KCND2: variants seen among roughly 807,000 people sequenced by gnomAD.
KCND2 encodes the protein potassium voltage-gated channel subfamily D member 2.
In KCND2, 16 loss-of-function variants were observed where a neutral mutation model predicts 54.4. That is an observed-to-expected ratio of 0.29 (90% CI 0.20 to 0.45). The LOEUF (loss-of-function observed/expected upper bound fraction) is 0.45, where lower values mean the gene tolerates loss of function less well. Among genes scored for constraint, KCND2 ranks in the 20% least tolerant of loss-of-function variants. KCND2 has a pLI of 1.00. For synonymous variants in KCND2, 317 were observed against 310.7 expected (o/e 1.02, Z -0.21); for missense variants, 486 against 824.2 (o/e 0.59, Z 5.02).
chr7:120,747,788 C>T lies in KCND2; in HGVS notation c.1823C>T (p.Pro608Leu). The change falls in exon 6 of 6, where the codon CCA becomes CTA. Residue 608 changes from proline to leucine, a missense_variant. Pro to Leu is a moderately conservative substitution (Grantham distance 98). Around this residue, in one of 7 missense-constraint regions of KCND2, gnomAD observed 202 missense variants for 252.7 expected, o/e 0.80. Transcript: ENST00000331113. ...ATCCCAACACCTCCAGTAACCACAC[C>T]AGAAGGAGACGATAGGCCAGAATCC... is the stretch of plus-strand genomic sequence containing the variant. ...ISIPTPPVTT[P>L]EGDDRPESPE... 6.2e-7 allele frequency: 1 copy of T among 1,612,552 alleles called. No homozygotes were observed. The highest frequency in any genetic ancestry group is 8.5e-7 in the Non-Finnish European group (1 of 1,178,964).
At chr7:120,744,636 T>C (rs1707105712) in intron 4 of KCND2, among the ~76,000 whole-genome samples, 1 of 152,188 alleles carries the variant, frequency 6.6e-6, no homozygotes, top group Non-Finnish European at 1.5e-5. Context: ...AAGAGTAGAA[T>C]GTTAAATTTC....
At chr7:120,446,382 A>G (rs1008667941) in intron 1 of KCND2, among the ~76,000 whole-genome samples, 1 of 152,188 alleles carries the variant, frequency 6.6e-6, no homozygotes, top group Non-Finnish European at 1.5e-5. Flanking sequence ...ACAAATAATT[A>G]TTAGTAGATA....
chr7:120,469,915 A>T (rs1429186527), intron 1 of KCND2, among the ~76,000 whole-genome samples: 8 of 152,322 alleles, frequency 5.3e-5, no homozygotes, highest in Admixed American at 1.3e-4. Context: ...TATTAGTAGC[A>T]TAAAAAAGTC....
At chr7:120,717,111 A>G (rs746673592) in intron 1 of KCND2, among the ~76,000 whole-genome samples, 1 of 152,126 alleles carries the variant, frequency 6.6e-6, no homozygotes, top group Non-Finnish European at 1.5e-5. Flanking sequence ...ATGTGAGATG[A>G]TAAAATACCT....
chr7:120,416,457 T>A (rs1013708562), intron 1 of KCND2, among the ~76,000 whole-genome samples: 6 of 152,214 alleles, frequency 3.9e-5, no homozygotes, highest in Non-Finnish European at 7.3e-5. Context: ...ATTAGTCTCC[T>A]GCAATTGACT....
Position 120,566,202 on chromosome 7 carries a change from G to A in KCND2, c.1116-166701G>A, listed in dbSNP as rs770126528. ...ATAACAGAGTTGTTCATGGATTGGG[G>A]AATAGGGAAATGATTAATAGGGAAA... On this transcript the variant is annotated intron_variant, in intron 1 of 5. Coordinates refer to ENST00000331113, the MANE Select transcript of KCND2 (RefSeq NM_012281.3). 2.0e-5 allele frequency among the ~76,000 whole-genome samples: 3 copies of A among 152,278 alleles called. No homozygotes were observed. In the East Asian group the frequency reaches 5.8e-4, roughly 29 times the overall value.
intron 1 of KCND2, among the ~76,000 whole-genome samples, chr7:120,379,048 A>G (rs1034698454): frequency 2.6e-5 from 4 of 151,986 alleles, no homozygotes; most frequent in African/African-American, 4.8e-5. Flanking sequence ...CTCATGCAAA[A>G]TTTTTATATA....
intron 1 of KCND2, among the ~76,000 whole-genome samples, chr7:120,461,554 C>T (rs1328759671): frequency 6.6e-6 from 1 of 151,966 alleles, no homozygotes; most frequent in Non-Finnish European, 1.5e-5. Flanking sequence ...ATTTTTTTCA[C>T]CATGTGTATG....
At chr7:120,616,548 C>G (rs899975044) in intron 1 of KCND2, among the ~76,000 whole-genome samples, 4 of 152,108 alleles carry the variant, frequency 2.6e-5, no homozygotes, top group Non-Finnish European at 5.9e-5. Context: ...GAACCACTCA[C>G]GAAGACTAGT....
chr7:120,731,491 G>C (rs1416004892), intron 1 of KCND2, among the ~76,000 whole-genome samples: 2 of 152,296 alleles, frequency 1.3e-5, no homozygotes, highest in South Asian at 2.1e-4. Context: ...CAGTGAGCTT[G>C]GTGAAAGGTG....
chr7:120,465,903 G>A (rs1244800315), intron 1 of KCND2, among the ~76,000 whole-genome samples: 1 of 152,090 alleles, frequency 6.6e-6, no homozygotes, highest in Admixed American at 6.6e-5. Flanking sequence ...GGAGACTACT[G>A]TTTCCTTAAG....
At chr7:120,630,322 C>T (rs1793218016) in intron 1 of KCND2, among the ~76,000 whole-genome samples, 1 of 152,088 alleles carries the variant, frequency 6.6e-6, no homozygotes, top group Non-Finnish European at 1.5e-5. Context: ...GAGGCAGAAT[C>T]CATAGACAGT....
chr7:120,579,746 C>G (rs1450908960), intron 1 of KCND2, among the ~76,000 whole-genome samples: 2 of 151,406 alleles, frequency 1.3e-5, no homozygotes, highest in African/African-American at 4.9e-5. Context: ...TTCATAAGGA[C>G]CTTGGAATCA....
intron 1 of KCND2, among the ~76,000 whole-genome samples, chr7:120,618,290 A>G (rs1466464027): frequency 6.7e-6 from 1 of 148,428 alleles, no homozygotes; most frequent in East Asian, 1.9e-4. Flanking sequence ...GTATACAAAA[A>G]TATTTTCTAT....
At position 120,643,873 on chromosome 7, in the gene KCND2, A is replaced by G. The variant is rs189608793; in HGVS notation, c.1116-89030A>G. On this transcript the variant is annotated intron_variant, in intron 1 of 5. Coordinates refer to ENST00000331113, the MANE Select transcript of KCND2 (RefSeq NM_012281.3). ...ATTCATTTTATATATATGAATTCAAATAATACTTACAATAATTATCCTTAT... is the reference window on the plus strand; with the variant it reads ...ATTCATTTTATATATATGAATTCAAGTAATACTTACAATAATTATCCTTAT... 2.9e-3 allele frequency among the ~76,000 whole-genome samples: 444 copies of G among 151,132 alleles called. 1 individual carries two copies. The highest frequency in any genetic ancestry group is 0.01 in the African/African-American group (424 of 41,380).
intron 1 of KCND2, among the ~76,000 whole-genome samples, chr7:120,458,748 T>TC (rs1174181030): frequency 6.6e-6 from 1 of 152,072 alleles, no homozygotes; most frequent in Non-Finnish European, 1.5e-5. Context: ...ATCCTTAATG[T>TC]CATTCTTTAA....
chr7:120,580,238 G>A (rs1416560604), intron 1 of KCND2, among the ~76,000 whole-genome samples: 1 of 152,158 alleles, frequency 6.6e-6, no homozygotes, highest in South Asian at 2.1e-4. Flanking sequence ...ACACTAAATG[G>A]AATTTTAGTG....
chr7:120,401,230 C>T (rs575648687), intron 1 of KCND2, among the ~76,000 whole-genome samples: 10 of 152,200 alleles, frequency 6.6e-5, no homozygotes, highest in Middle Eastern at 3.4e-3. Context: ...ACAGACCATG[C>T]AGCTGTACTG....
At chr7:120,445,093 G>A (rs1257536081) in intron 1 of KCND2, among the ~76,000 whole-genome samples, 8 of 151,930 alleles carry the variant, frequency 5.3e-5, no homozygotes, top group Admixed American at 5.2e-4. Context: ...TGTTATCCTC[G>A]ATATCACTAA....
Sources: gnomAD v4.1 joint callset for allele counts (sites outside exome capture counted in the v4.1 genomes callset) on GRCh38, gnomAD v4.1.1 for gene constraint, gnomAD v4.1.1 regional missense constraint, MANE v1.5 for transcripts, NCBI Gene and HGNC (gene_info 2026-07-23, HGNC 2026-07-21) for gene names.